XAF1: variants seen among roughly 807,000 people sequenced by gnomAD.
The protein encoded by XAF1 is XIAP-associated factor 1.
Under a neutral mutation model 32.3 loss-of-function variants are expected in XAF1, and 32 were observed. The observed-to-expected ratio is 0.99, with a 90% CI of 0.75 to 1.33. The LOEUF is 1.33. XAF1 is among the 40% of genes most tolerant of loss of function. XAF1 has a pLI of 0.00. For synonymous variants in XAF1, 120 were observed against 125.9 expected (o/e 0.95, Z 0.31); for missense variants, 379 against 366.0 (o/e 1.04, Z -0.29).
chr17:6,771,231 C>T (rs753365632), intron 6 of XAF1: 3 of 420,934 alleles, frequency 7.1e-6, no homozygotes, highest in Non-Finnish European at 8.5e-6. Flanking sequence ...CCAGGTCCCT[C>T]TTCTCTGTGT....
intron 5 of XAF1, among the ~76,000 whole-genome samples, chr17:6,765,038 G>C (rs556383412): frequency 1.3e-5 from 2 of 152,196 alleles, no homozygotes; most frequent in East Asian, 3.9e-4. Context: ...ATTTTGGGGG[G>C]CCCCAGGGCT....
chr17:6,756,208 C>T, intron 1 of XAF1, 98 bp downstream of exon 1: 1 of 1,473,404 alleles, frequency 6.8e-7, no homozygotes, highest in South Asian at 1.1e-5. Flanking sequence ...GTGGTTCCTG[C>T]ATAAGAACAC....
rs1975952269 is a variant in XAF1 at position 6,770,670 on chromosome 17, A to G, written c.535A>G (p.Lys179Glu). 1.2e-6 allele frequency: 2 copies of G among 1,603,118 alleles called. No individual in the cohort carries two copies. Among genetic ancestry groups the G allele is most frequent in the Non-Finnish European group, 8.5e-7 (1 of 1,176,806 alleles). ...MGKCCPDSEF[K>E]KHFPVGNPEI... Reference sequence around the variant, plus strand: ...TAAATGTTGTCCAGACTCAGAGTTTAAGAAACACTTTCCTGTTGGAAATCC... The same window carrying G: ...TAAATGTTGTCCAGACTCAGAGTTTGAGAAACACTTTCCTGTTGGAAATCC... Residue 179 changes from lysine to glutamate, a missense_variant, in exon 6 of 7, where the codon AAG (lysine) becomes GAG (glutamate). By Grantham distance (56) the Lys-to-Glu change is moderately conservative. Transcript: ENST00000361842.
At chr17:6,759,536 C>T (rs1343906044) in intron 2 of XAF1, 126 bp from the exon 3 acceptor site, 16 of 1,533,728 alleles carry the variant, frequency 1.0e-5, no homozygotes, top group East Asian at 4.6e-5. Flanking sequence ...ACATCGGATC[C>T]CTGCCCTCTG....
chr17:6,763,612 G>T (rs141800824), intron 5 of XAF1, among the ~76,000 whole-genome samples: 1 of 151,896 alleles, frequency 6.6e-6, no homozygotes, highest in Non-Finnish European at 1.5e-5. Flanking sequence ...GCCTTTTTAC[G>T]GTCATCCCAC....
chr17:6,757,752 T>G (rs1974804680), intron 1 of XAF1, among the ~76,000 whole-genome samples: 1 of 140,898 alleles, frequency 7.1e-6, no homozygotes, highest in African/African-American at 2.7e-5. Flanking sequence ...CTAAGTTATA[T>G]ACATCCATGA....
chr17:6,760,284 G>T (rs1975078027), intron 3 of XAF1, 122 bp from the exon 4 acceptor site: 2 of 941,724 alleles, frequency 2.1e-6, no homozygotes, highest in Non-Finnish European at 3.1e-6. Context: ...GGAGGCGGAG[G>T]TTGCAGTGAG....
At chr17:6,765,329 C>T (rs1012191435) in intron 5 of XAF1, among the ~76,000 whole-genome samples, 2 of 152,032 alleles carry the variant, frequency 1.3e-5, no homozygotes, top group African/African-American at 2.4e-5. Context: ...AGGAGAATGG[C>T]GTGAACCCAG....
Position 6,756,589 on chromosome 17 carries a change from C to T in XAF1, c.32+479C>T, listed in dbSNP as rs553405479. Among the ~76,000 whole-genome samples, 148 of 152,084 alleles carry T rather than the reference C, an allele frequency of 9.7e-4. 2 individuals are homozygous for T. The South Asian group carries it at 0.029, about 29-fold the overall frequency. ...ACCACACCTCTAACGGGAGGGGGGGCGCGGAATCTGACCGATCAAAAAGCC... is the reference window on the plus strand; with the variant it reads ...ACCACACCTCTAACGGGAGGGGGGGTGCGGAATCTGACCGATCAAAAAGCC... On this transcript the variant is annotated intron_variant, in intron 1 of 6. Coordinates refer to ENST00000361842, the MANE Select transcript of XAF1 (RefSeq NM_017523.5).
intron 2 of XAF1, chr17:6,759,313 T>C (rs974407411): frequency 8.1e-7 from 1 of 1,240,976 alleles, no homozygotes; most frequent in Non-Finnish European, 1.0e-6. Flanking sequence ...GGCTGTTCTC[T>C]TGAGATCTGT....
intron 6 of XAF1, 198 bp from the exon 7 acceptor site, chr17:6,772,915 A>G: frequency 2.0e-6 from 1 of 511,820 alleles, no homozygotes; most frequent in South Asian, 2.8e-5. Context: ...AGTGATAGCA[A>G]CAGGCCCCTG....
At chr17:6,767,361 A>C (rs1034854822) in intron 5 of XAF1, among the ~76,000 whole-genome samples, 1 of 152,356 alleles carries the variant, frequency 6.6e-6, no homozygotes, top group South Asian at 2.1e-4. Context: ...GGTAAAAGGC[A>C]AAGGTTGATT....
At chr17:6,764,109 T>G (rs1162302543) in intron 5 of XAF1, among the ~76,000 whole-genome samples, 1 of 152,230 alleles carries the variant, frequency 6.6e-6, no homozygotes, top group Admixed American at 6.5e-5. Context: ...CTCTGAATTT[T>G]AGTTCTGCTG....
At chr17:6,765,597 T>C (rs1975558024) in intron 5 of XAF1, among the ~76,000 whole-genome samples, 1 of 151,892 alleles carries the variant, frequency 6.6e-6, no homozygotes, top group South Asian at 2.1e-4. Flanking sequence ...TGAAATGGAA[T>C]CCTCTCTGCC....
chr17:6,770,674 A>G lies in XAF1; in HGVS notation c.539A>G (p.Lys180Arg). 1 of 1,603,956 alleles carries G rather than the reference A, an allele frequency of 6.2e-7. No individual in the cohort carries two copies. Among genetic ancestry groups the G allele is most frequent in the Non-Finnish European group, 8.5e-7 (1 of 1,177,116 alleles). ...TGTTGTCCAGACTCAGAGTTTAAGA[A>G]ACACTTTCCTGTTGGAAATCCAGAA... ...GKCCPDSEFKKHFPVGNPEIL... is the reference protein window; with the variant it reads ...GKCCPDSEFKRHFPVGNPEIL... The change falls in exon 6 of 7, where the codon AAA (lysine) becomes AGA (arginine). Residue 180 changes from lysine to arginine, a missense_variant. Physicochemically the swap from Lys to Arg is conservative, Grantham distance 26 (BLOSUM62 2). Coordinates refer to ENST00000361842, the MANE Select transcript of XAF1 (RefSeq NM_017523.5).
chr17:6,757,938 A>T, intron 1 of XAF1, 151 bp from the exon 2 acceptor site: 1 of 1,061,076 alleles, frequency 9.4e-7, no homozygotes, highest in Non-Finnish European at 1.4e-6. Context: ...TTTTGGACCC[A>T]CACAGGGAGT....
intron 1 of XAF1, chr17:6,757,554 G>A (rs888794102): frequency 7.9e-5 from 12 of 152,732 alleles, no homozygotes; most frequent in African/African-American, 2.7e-4. Flanking sequence ...GACCAAACAG[G>A]GGCACCAGAA....
chr17:6,761,991 T>A (rs1172872030), intron 4 of XAF1, 164 bp from the exon 5 acceptor site: 1 of 1,535,766 alleles, frequency 6.5e-7, no homozygotes, highest in Non-Finnish European at 8.7e-7. Flanking sequence ...GGCCAAGAGT[T>A]GCCTGTGTGG....
chr17:6,756,136 A>AG (rs771845906), intron 1 of XAF1, 26 bp downstream of exon 1: 2 of 1,613,876 alleles, frequency 1.2e-6, no homozygotes, highest in East Asian at 4.5e-5. Context: ...CTCCAGCGGC[A>AG]GACCCGGGCT....
Sources: allele counts gnomAD v4.1 joint callset (sites outside exome capture counted in the v4.1 genomes callset), GRCh38; gene constraint gnomAD v4.1.1; transcripts MANE v1.5; gene names NCBI Gene and HGNC (gene_info 2026-07-23, HGNC 2026-07-21).